The following MARK2 variants were observed in gnomAD, a reference collection of about 807,000 sequenced individuals.
MARK2 encodes serine/threonine-protein kinase MARK2.
MARK2 carries 16 observed loss-of-function variants against 89.8 expected under a neutral mutation model. The ratio of observed to expected loss-of-function variants is 0.18; its 90% CI spans 0.12 to 0.27. The LOEUF is 0.27. Among genes scored for constraint, MARK2 ranks in the 10% least tolerant of loss-of-function variants. The pLI is 1.00. For missense variants in MARK2, 621 were observed against 1,049.9 expected (o/e 0.59, Z 5.65); for synonymous variants, 382 against 399.5 (o/e 0.96, Z 0.52).
chr11:63,862,062 T>C (rs1937833516), intron 1 of MARK2, among the ~76,000 whole-genome samples: 1 of 151,918 alleles, frequency 6.6e-6, no homozygotes, highest in African/African-American at 2.4e-5. Flanking sequence ...TAGCTGGGAT[T>C]GCAGGTATCC....
chr11:63,854,736 G>A (rs1162912564), intron 1 of MARK2, among the ~76,000 whole-genome samples: 1 of 150,636 alleles, frequency 6.6e-6, no homozygotes, highest in African/African-American at 2.5e-5. Flanking sequence ...TCGGGAGGCT[G>A]AGGCAGGAGA....
chr11:63,900,199 C>A lies in MARK2; in HGVS notation c.768+89C>A. The A allele has an allele frequency of 1.0e-6, 1 of 1,002,692 alleles. No homozygotes were observed. The highest frequency in any genetic ancestry group is 1.5e-6 in the Non-Finnish European group (1 of 647,294). The allele number at this position is 1,002,692 out of a possible 1,614,324, so 62.1% of individuals were successfully genotyped here. On this transcript the variant is annotated intron_variant, in intron 8 of 18. Coordinates refer to ENST00000402010, the MANE Select transcript of MARK2 (RefSeq NM_001039469.3). The surrounding 1 kb of genome is among the most constrained non-coding windows in gnomAD (Gnocchi z 4.7). ...ACCTCCTGCCTTTGCCACCTGTCTA[C>A]ATTTGTCCCAAGCCAAAGCTTCAGA...
Position 63,839,340 on chromosome 11 carries a change from G to C in MARK2, c.-167G>C, listed in dbSNP as rs978298628. On this transcript the variant is annotated 5_prime_UTR_variant, in exon 1 of 19. Coordinates refer to ENST00000402010, the MANE Select transcript of MARK2 (RefSeq NM_001039469.3). Reference sequence around the variant, plus strand: ...GCCGGCGCGGCCTAGCCCGAGCGGCGCATCCCCGGGCTGGCGTGAGCGGCT... The same window carrying C: ...GCCGGCGCGGCCTAGCCCGAGCGGCCCATCCCCGGGCTGGCGTGAGCGGCT... 4.0e-6 allele frequency: 2 copies of C among 495,094 alleles called. No homozygotes were observed. The highest frequency in any genetic ancestry group is 4.1e-5 in the African/African-American group (2 of 48,334). The allele number at this position is 495,094 out of a possible 1,614,324, so 30.7% of individuals were successfully genotyped here.
Position 63,908,050 on chromosome 11 carries a change from T to C in MARK2, c.1962-210T>C, listed in dbSNP as rs535540416. Among the ~76,000 whole-genome samples the C allele has an allele frequency of 4.6e-5, 7 of 152,328 alleles. No individual in the cohort carries two copies. In the South Asian group the frequency reaches 1.2e-3, roughly 27 times the overall value. On this transcript the variant is annotated intron_variant, in intron 17 of 18. Transcript: ENST00000402010. ...GTGGGGAGGGACAAGCCCCATGTGCTGGGCTCCCTGCTGGAAAGGAATGGT... is the reference window on the plus strand; with the variant it reads ...GTGGGGAGGGACAAGCCCCATGTGCCGGGCTCCCTGCTGGAAAGGAATGGT...
intron 1 of MARK2, chr11:63,868,846 G>A (rs1234808783): frequency 4.4e-6 from 2 of 455,960 alleles, no homozygotes; most frequent in African/African-American, 4.0e-5. Flanking sequence ...TTTATAGTGG[G>A]AGAAAAGCCC....
intron 1 of MARK2, among the ~76,000 whole-genome samples, chr11:63,852,248 AGTTT>A (rs996316887): frequency 9.8e-5 from 15 of 152,316 alleles, no homozygotes; most frequent in African/African-American, 3.1e-4. Flanking sequence ...TGATGGACTC[AGTTT>A]GTTCTTAGTA....
chr11:63,890,614 A>T (rs566070681), intron 1 of MARK2, among the ~76,000 whole-genome samples: 3 of 152,210 alleles, frequency 2.0e-5, no homozygotes, highest in African/African-American at 7.2e-5. Flanking sequence ...CGGGCACTCA[A>T]CCTGGCCCCT....
chr11:63,909,290 G>GC lies in MARK2; in HGVS notation c.*55dup, dbSNP rs1441342524. 2.0e-6 allele frequency: 3 copies of GC among 1,479,150 alleles called. No individual in the cohort carries two copies. Among genetic ancestry groups the GC allele is most frequent in the East Asian group, 2.4e-5 (1 of 41,916 alleles). The allele number at this position is 1,479,150 out of a possible 1,614,324, so 91.6% of individuals were successfully genotyped here. The stretch of plus-strand genomic sequence containing the variant: ...GGCGGGCCAGCTGGACGGGCTGCCG[G>GC]CCGCTGCGCCGCCCCACCTGGGCGA... On this transcript the variant is annotated 3_prime_UTR_variant, in exon 19 of 19. Transcript: ENST00000402010.
At chr11:63,862,048 C>T (rs1192963164) in intron 1 of MARK2, among the ~76,000 whole-genome samples, 2 of 151,788 alleles carry the variant, frequency 1.3e-5, no homozygotes, top group East Asian at 1.9e-4. Flanking sequence ...CTCTGCCTCC[C>T]GAGTAGCTGG....
At chr11:63,891,134 T>C (rs1939821808) in intron 1 of MARK2, among the ~76,000 whole-genome samples, 2 of 152,010 alleles carry the variant, frequency 1.3e-5, no homozygotes, top group African/African-American at 4.8e-5. Flanking sequence ...TTTTTAAATA[T>C]ATTCTTTTTT....
intron 1 of MARK2, among the ~76,000 whole-genome samples, chr11:63,861,271 TA>T (rs1937756534): frequency 6.6e-6 from 1 of 151,982 alleles, no homozygotes; most frequent in African/African-American, 2.4e-5. Context: ...CCATCTCTAC[TA>T]AAAATACAAA....
rs541948387 is a variant in MARK2, at chr11:63,898,155, A to T, written c.289-77A>T. On this transcript the variant is annotated intron_variant, in intron 3 of 18. Transcript: ENST00000402010. Reference sequence around the variant, plus strand: ...GGTTTTGGTTTTTTGGGAAAAACAAATCCTGGCAGGGACTGTTTGGAGAGA... The same window carrying T: ...GGTTTTGGTTTTTTGGGAAAAACAATTCCTGGCAGGGACTGTTTGGAGAGA... 226 of 1,314,582 alleles carry T rather than the reference A, an allele frequency of 1.7e-4. No homozygotes were observed. In the African/African-American group the frequency reaches 3.1e-3, roughly 18 times the overall value. 81.4% of individuals were successfully genotyped at this position (1,314,582 alleles called of 1,614,324 possible).
rs1156984421 is a variant in MARK2, at chr11:63,899,069, G to A, written c.492G>A (p.Gln164=). The A allele has an allele frequency of 6.2e-7, 1 of 1,612,162 alleles. No homozygotes were observed. The highest frequency in any genetic ancestry group is 1.1e-5 in the South Asian group (1 of 91,052). ...CCTTTCAGATAGTGTCTGCTGTGCA[G>A]TACTGTCACCAGAAGTTTATTGTCC... ...AKFRQIVSAV[Q]YCHQKFIVHR... is the part of the protein sequence containing the mutation. Residue 164 remains glutamine, a synonymous_variant, in exon 7 of 19, where the codon CAG becomes CAA. Coordinates refer to ENST00000402010, the MANE Select transcript of MARK2 (RefSeq NM_001039469.3).
intron 1 of MARK2, among the ~76,000 whole-genome samples, chr11:63,857,893 A>G (rs2016948068): frequency 6.6e-6 from 1 of 151,840 alleles, no homozygotes; most frequent in Non-Finnish European, 1.5e-5. Flanking sequence ...CCCGGGTTAG[A>G]GTGGAATGGC....
Position 63,902,745 on chromosome 11 carries a change from G to T in MARK2, c.1379G>T (p.Gly460Val). The change falls in exon 13 of 19, where the codon GGT (glycine) becomes GTT (valine). Residue 460 changes from glycine (G) to valine (V), a missense_variant. Transcript: ENST00000402010. This position sits in a 1 kb window ranked among gnomAD's most constrained non-coding sequence, Gnocchi z 4.2. The part of the protein sequence containing the change: ...TAKVPASPLP[G>V]LERKKTTPTP... The stretch of plus-strand genomic sequence containing the variant: ...AAGGTGCCTGCCAGCCCCCTGCCCG[G>T]TCTGGAGAGGAAGAAGACCACCCCA... 1 of 1,613,646 alleles carries T rather than the reference G, an allele frequency of 6.2e-7. No homozygotes were observed. Among genetic ancestry groups the T allele is most frequent in the Non-Finnish European group, 8.5e-7 (1 of 1,179,996 alleles).
chr11:63,869,932 C>T (rs1000079057), intron 1 of MARK2, among the ~76,000 whole-genome samples: 10 of 152,188 alleles, frequency 6.6e-5, no homozygotes, highest in Non-Finnish European at 1.2e-4. Context: ...ACTCAGGGCT[C>T]GTCTCCGGTG....
At chr11:63,856,768 G>GTTTTTTT (rs71039681) in intron 1 of MARK2, among the ~76,000 whole-genome samples, 4 of 53,796 alleles carry the variant, frequency 7.4e-5, no homozygotes, top group African/African-American at 2.2e-4. Context: ...AATTTTTCAT[G>GTTTTTTT]TTTTTTTTTT....
intron 1 of MARK2, among the ~76,000 whole-genome samples, chr11:63,859,144 C>A (rs1028886985): frequency 4.6e-5 from 7 of 151,966 alleles, no homozygotes; most frequent in African/African-American, 1.7e-4. Flanking sequence ...GCAACGCTTA[C>A]ACAGCTTCTA....
chr11:63,903,294 A>G lies in MARK2; in HGVS notation c.1514+136A>G. The stretch of plus-strand genomic sequence containing the variant: ...CTGGAGTTCCATCCTGGCTGTGTCC[A>G]GTCCAGCTTTCCCCTCCCCTATTCC... On this transcript the variant is annotated intron_variant, in intron 14 of 18. Coordinates refer to ENST00000402010, the MANE Select transcript of MARK2 (RefSeq NM_001039469.3). The surrounding 1 kb of genome is among the most constrained non-coding windows in gnomAD (Gnocchi z 5.1). 1.4e-6 allele frequency: 1 copy of G among 695,484 alleles called. No individual in the cohort carries two copies. The highest frequency in any genetic ancestry group is 2.5e-6 in the Non-Finnish European group (1 of 396,590). The allele number at this position is 695,484 out of a possible 1,614,324, so 43.1% of individuals were successfully genotyped here.
Sources: allele counts gnomAD v4.1 joint callset (sites outside exome capture counted in the v4.1 genomes callset), GRCh38; gene constraint gnomAD v4.1.1; non-coding constraint Gnocchi (gnomAD v3.1); transcripts MANE v1.5; gene names NCBI Gene and HGNC (gene_info 2026-07-23, HGNC 2026-07-21).